TFPI: variants seen among roughly 807,000 people sequenced by gnomAD.
TFPI encodes the protein tissue factor pathway inhibitor.
Under a neutral mutation model 34.6 loss-of-function variants are expected in TFPI, and 15 were observed. That is an observed-to-expected ratio of 0.43 (90% CI 0.29 to 0.67). The LOEUF is 0.67. TFPI is among the 30% of genes least tolerant of loss of function. The pLI is 0.15. For synonymous variants in TFPI, 105 were observed against 120.1 expected (o/e 0.87, Z 0.82); for missense variants, 301 against 364.0 (o/e 0.83, Z 1.41).
chr2:187,488,406 TG>T, intron 3 of TFPI, 31 bp from the exon 4 acceptor site: 1 of 1,377,884 alleles, frequency 7.3e-7, no homozygotes, highest in Non-Finnish European at 9.8e-7. Flanking sequence ...GCATATCAAT[TG>T]TCACAATTTA....
chr2:187,496,906 T>C lies in TFPI; in HGVS notation c.294A>G (p.Glu98=). The C allele has an allele frequency of 6.2e-7, 1 of 1,613,216 alleles. No individual in the cohort carries two copies. ...EGNQNRFESL[E]ECKKMCTRDN... ...CTCTTGTACACATTTTTTTGCACTC[T>C]TCCAGACTTTCAAATCGATTCTGAT... Residue 98 remains glutamate, a synonymous_variant, in exon 3 of 8, where the codon GAA becomes GAG. Transcript: ENST00000233156.
intron 7 of TFPI, 65 bp from the exon 8 acceptor site, chr2:187,467,107 A>G: frequency 9.2e-7 from 1 of 1,085,716 alleles, no homozygotes; most frequent in Non-Finnish European, 1.3e-6. Context: ...TTTATCTAAA[A>G]TCTTCTCAAA....
At chr2:187,469,417 A>G (rs986466659) in intron 6 of TFPI, among the ~76,000 whole-genome samples, 1 of 152,148 alleles carries the variant, frequency 6.6e-6, no homozygotes, top group African/African-American at 2.4e-5. Flanking sequence ...TTTAAATCAT[A>G]TGTAGCCCTT....
intron 2 of TFPI, among the ~76,000 whole-genome samples, chr2:187,502,749 T>G (rs1372764304): frequency 6.6e-6 from 1 of 152,080 alleles, no homozygotes; most frequent in Non-Finnish European, 1.5e-5. Flanking sequence ...TAGGAAACAG[T>G]GAGATTCTTG....
intron 1 of TFPI, among the ~76,000 whole-genome samples, chr2:187,533,311 A>T (rs1162181511): frequency 6.6e-6 from 1 of 152,108 alleles, no homozygotes; most frequent in Admixed American, 6.5e-5. Context: ...CTCATACAGG[A>T]GAGCTCCAGC....
rs190579192 is a variant in TFPI, at chr2:187,464,453, C to T, written c.*2483G>A. ...AACATCAAGATCTTTTTCCAAAACACGGTAAAAATAACGTTCACATGCATT... is the reference window on the plus strand; with the variant it reads ...AACATCAAGATCTTTTTCCAAAACATGGTAAAAATAACGTTCACATGCATT... On this transcript the variant is annotated 3_prime_UTR_variant, in exon 8 of 8. Transcript: ENST00000233156. 1.0e-3 allele frequency: 158 copies of T among 152,162 alleles called. 3 individuals are homozygous for T. The highest frequency in any genetic ancestry group is 3.6e-3 in the African/African-American group (148 of 41,512). The allele number at this position is 152,162 out of a possible 1,614,324, so 9.4% of individuals were successfully genotyped here. A position where few individuals can be genotyped will look rare whatever the true frequency, so the allele number is the denominator to read the frequency against.
intron 6 of TFPI, among the ~76,000 whole-genome samples, chr2:187,469,463 C>T (rs1435765537): frequency 1.3e-5 from 2 of 151,882 alleles, no homozygotes; most frequent in Admixed American, 6.6e-5. Flanking sequence ...GATTATAGTG[C>T]GTGATTTTTA....
chr2:187,467,702 C>T, intron 7 of TFPI, 51 bp downstream of exon 7: 1 of 1,392,248 alleles, frequency 7.2e-7, no homozygotes, highest in Non-Finnish European at 9.5e-7. Flanking sequence ...CATTTCAATT[C>T]AATTGCTATC....
intron 6 of TFPI, among the ~76,000 whole-genome samples, chr2:187,481,215 T>C (rs1692831122): frequency 6.6e-6 from 1 of 152,146 alleles, no homozygotes; most frequent in Non-Finnish European, 1.5e-5. Flanking sequence ...ATTGAAACTT[T>C]AAAGGATTTA....
At chr2:187,484,663 A>G (rs987831695) in intron 5 of TFPI, 148 bp downstream of exon 5, 2 of 623,530 alleles carry the variant, frequency 3.2e-6, no homozygotes, top group Non-Finnish European at 5.1e-6. Flanking sequence ...TTAAAAAACT[A>G]CAGTCACAAA....
chr2:187,493,817 T>C (rs149041887), intron 3 of TFPI, among the ~76,000 whole-genome samples: 290 of 152,320 alleles, frequency 1.9e-3, no homozygotes, highest in African/African-American at 6.6e-3. Context: ...TCCTCATCTC[T>C]ATCTGAGACC....
At chr2:187,553,866 A>G in intron 1 of TFPI, among the ~76,000 whole-genome samples, 1 of 152,224 alleles carries the variant, frequency 6.6e-6, no homozygotes, top group Middle Eastern at 3.2e-3. Context: ...AGAACTTCCA[A>G]TTAACCAAGC....
chr2:187,470,994 A>G (rs1012288238), intron 6 of TFPI, among the ~76,000 whole-genome samples: 2 of 152,200 alleles, frequency 1.3e-5, no homozygotes, highest in African/African-American at 4.8e-5. Flanking sequence ...CAGAGTTTTG[A>G]CCCAGATCAA....
chr2:187,484,025 A>G, intron 6 of TFPI, 99 bp downstream of exon 6: 1 of 811,734 alleles, frequency 1.2e-6, no homozygotes, highest in Non-Finnish European at 2.0e-6. Flanking sequence ...CAACGCAGGT[A>G]TATATATATA....
chr2:187,467,379 T>C (rs1691771246), intron 7 of TFPI, among the ~76,000 whole-genome samples: 1 of 152,020 alleles, frequency 6.6e-6, no homozygotes, highest in South Asian at 2.1e-4. Context: ...TTTTATACTC[T>C]TCTTAGTCTT....
intron 1 of TFPI, among the ~76,000 whole-genome samples, chr2:187,534,195 T>C (rs569057740): frequency 4.0e-4 from 61 of 152,208 alleles, no homozygotes; most frequent in Middle Eastern, 3.4e-3. Flanking sequence ...CAGGCCAACA[T>C]TCAAATTCAG....
At chr2:187,506,720 C>T (rs945527856) in intron 1 of TFPI, among the ~76,000 whole-genome samples, 1 of 151,888 alleles carries the variant, frequency 6.6e-6, no homozygotes, top group Non-Finnish European at 1.5e-5. Context: ...ATAATTAGAC[C>T]AGGGTTATGG....
chr2:187,479,006 CAG>C (rs8176530), intron 6 of TFPI, among the ~76,000 whole-genome samples: 8,786 of 151,932 alleles, frequency 0.058, 308 homozygotes, highest in South Asian at 0.12. Flanking sequence ...AGTAAGAAGC[CAG>C]GGGAGAGAGA....
At chr2:187,482,751 A>G (rs1211620022) in intron 6 of TFPI, among the ~76,000 whole-genome samples, 2 of 151,782 alleles carry the variant, frequency 1.3e-5, no homozygotes, top group South Asian at 2.1e-4. Context: ...GTTCTCACAC[A>G]TTAATCCTCA....
Sources: allele counts gnomAD v4.1 joint callset (sites outside exome capture counted in the v4.1 genomes callset), GRCh38; gene constraint gnomAD v4.1.1; transcripts MANE v1.5; gene names NCBI Gene and HGNC (gene_info 2026-07-23, HGNC 2026-07-21).